The following PDE11A variants were observed in gnomAD, a reference collection of about 807,000 sequenced individuals.
The protein encoded by PDE11A is phosphodiesterase 11A.
A neutral mutation model predicts 100.5 loss-of-function variants in PDE11A; 100 were observed. The ratio of observed to expected loss-of-function variants is 1.00; its 90% CI spans 0.85 to 1.18. The LOEUF (loss-of-function observed/expected upper bound fraction) is 1.18, where lower values mean the gene tolerates loss of function less well. Ranked by LOEUF, PDE11A falls within the 50% of genes most tolerant of loss-of-function variation. The pLI is 0.00. For missense variants in PDE11A, 1,141 were observed against 1,152.6 expected (o/e 0.99, Z 0.15); for synonymous variants, 381 against 420.8 (o/e 0.91, Z 1.16).
At position 177,784,806 on chromosome 2, in the gene PDE11A, T is replaced by G. The variant is rs536352638; in HGVS notation, c.1738-15433A>C. Among the ~76,000 whole-genome samples the G allele has an allele frequency of 3.3e-5, 5 of 152,350 alleles. No homozygotes were observed. The South Asian group carries it at 1.0e-3, about 32-fold the overall frequency. The stretch of plus-strand genomic sequence containing the variant: ...AAGATCCAGCTTAAAATTATAATCA[T>G]GTAAGTCAACTCTACTACATAGTTT... On this transcript the variant is annotated intron_variant, in intron 9 of 19. Transcript: ENST00000286063.
chr2:177,822,719 A>C (rs1224913219), intron 6 of PDE11A, among the ~76,000 whole-genome samples: 1 of 152,076 alleles, frequency 6.6e-6, no homozygotes, highest in Non-Finnish European at 1.5e-5. Context: ...TTCAATCCAT[A>C]AATATCCCTT....
chr2:177,768,503 T>C (rs1481746767), intron 10 of PDE11A, among the ~76,000 whole-genome samples: 3 of 152,124 alleles, frequency 2.0e-5, no homozygotes, highest in African/African-American at 7.2e-5. Flanking sequence ...GCCACCTAAA[T>C]ATAAAAAGGC....
chr2:177,689,567 C>T (rs911585452), intron 15 of PDE11A, among the ~76,000 whole-genome samples: 5 of 152,120 alleles, frequency 3.3e-5, no homozygotes, highest in African/African-American at 1.2e-4. Flanking sequence ...TGCATACAAA[C>T]ATTGAAGAGG....
intron 5 of PDE11A, among the ~76,000 whole-genome samples, chr2:177,842,585 TG>T (rs1221768822): frequency 2.6e-5 from 4 of 152,138 alleles, no homozygotes; most frequent in Non-Finnish European, 5.9e-5. Flanking sequence ...TGGTTTAAGA[TG>T]TGATTTTAGA....
At chr2:177,642,272 A>C (rs1380369369) in intron 19 of PDE11A, among the ~76,000 whole-genome samples, 1 of 152,226 alleles carries the variant, frequency 6.6e-6, no homozygotes. Flanking sequence ...GATTGGTCAG[A>C]AGGCAAGTAA....
At chr2:177,994,213 G>C (rs571245230) in intron 2 of PDE11A, among the ~76,000 whole-genome samples, 32 of 152,286 alleles carry the variant, frequency 2.1e-4, no homozygotes, top group African/African-American at 7.7e-4. Flanking sequence ...TTACAGGCAA[G>C]AGCCACTGTG....
chr2:178,054,527 A>G (rs2086873006), intron 1 of PDE11A, among the ~76,000 whole-genome samples: 1 of 152,252 alleles, frequency 6.6e-6, no homozygotes, highest in African/African-American at 2.4e-5. Flanking sequence ...GAGCTTCTGC[A>G]CAGCAAAAGA....
chr2:178,065,314 A>T (rs1347441), intron 1 of PDE11A, among the ~76,000 whole-genome samples: 44,427 of 152,058 alleles, frequency 0.29, 6,622 homozygotes, highest in Non-Finnish European at 0.31. Flanking sequence ...ATTATATTCA[A>T]CATGAAACCC....
chr2:178,032,926 T>C (rs1390100897), intron 1 of PDE11A, among the ~76,000 whole-genome samples: 3 of 151,916 alleles, frequency 2.0e-5, no homozygotes, highest in Non-Finnish European at 4.4e-5. Flanking sequence ...GATAAATCCA[T>C]GAAGATGAGA....
At chr2:178,096,657 G>A (rs753615467) in intron 2 of PDE11A, among the ~76,000 whole-genome samples, 2 of 152,144 alleles carry the variant, frequency 1.3e-5, no homozygotes, top group African/African-American at 2.4e-5. Flanking sequence ...CTTTGCTAAC[G>A]CATAGCAACA....
chr2:177,898,259 T>G (rs1212553246), intron 3 of PDE11A, 61 bp from the exon 4 acceptor site: 1 of 1,117,948 alleles, frequency 8.9e-7, no homozygotes, highest in Non-Finnish European at 1.3e-6. Context: ...GTTGCTTTTC[T>G]TCTTAAAATT....
chr2:177,678,161 T>C (rs2080807885), intron 16 of PDE11A, among the ~76,000 whole-genome samples: 1 of 152,232 alleles, frequency 6.6e-6, no homozygotes, highest in African/African-American at 2.4e-5. Flanking sequence ...TCAAGTTGTA[T>C]GTCTTCATCT....
At chr2:177,847,673 G>A (rs2083623275) in intron 5 of PDE11A, among the ~76,000 whole-genome samples, 2 of 152,158 alleles carry the variant, frequency 1.3e-5, no homozygotes, top group Non-Finnish European at 2.9e-5. Flanking sequence ...GAAATCACTT[G>A]AGGGAGCCTG....
chr2:178,052,015 A>C (rs955684801), intron 1 of PDE11A, among the ~76,000 whole-genome samples: 1 of 152,118 alleles, frequency 6.6e-6, no homozygotes, highest in Non-Finnish European at 1.5e-5. Context: ...AAGCAGACCT[A>C]ATAGACATCT....
intron 2 of PDE11A, among the ~76,000 whole-genome samples, chr2:177,991,683 A>C (rs1559034702): frequency 6.6e-6 from 1 of 151,264 alleles, no homozygotes; most frequent in Non-Finnish European, 1.5e-5. Flanking sequence ...GGAAATGAAA[A>C]TATATATACT....
intron 4 of PDE11A, among the ~76,000 whole-genome samples, chr2:177,889,676 A>G (rs1380914381): frequency 6.7e-6 from 1 of 149,642 alleles, no homozygotes; most frequent in Non-Finnish European, 1.5e-5. Flanking sequence ...CTTGTTTTTA[A>G]TCTAGTATTC....
chr2:177,945,496 C>T (rs540579884), intron 2 of PDE11A, among the ~76,000 whole-genome samples: 7 of 147,592 alleles, frequency 4.7e-5, no homozygotes, highest in African/African-American at 1.5e-4. Context: ...GTGAGGAGGC[C>T]TCTGCCCGGC....
At chr2:177,826,209 T>C (rs1205440084) in intron 6 of PDE11A, among the ~76,000 whole-genome samples, 2 of 152,216 alleles carry the variant, frequency 1.3e-5, no homozygotes, top group Non-Finnish European at 2.9e-5. Context: ...TCTGTCCTCA[T>C]GGGGCCTTTC....
chr2:177,788,585 T>G (rs2082577059), intron 9 of PDE11A, among the ~76,000 whole-genome samples: 1 of 151,460 alleles, frequency 6.6e-6, no homozygotes, highest in African/African-American at 2.4e-5. Flanking sequence ...CTTCAAAAAA[T>G]TAATGAATCC....
Sources: allele counts gnomAD v4.1 joint callset (sites outside exome capture counted in the v4.1 genomes callset), GRCh38; gene constraint gnomAD v4.1.1; transcripts MANE v1.5; gene names NCBI Gene and HGNC (gene_info 2026-07-23, HGNC 2026-07-21).